Variants in PLXNA2 observed in about 807,000 individuals in gnomAD.
PLXNA2 encodes plexin A2.
A neutral mutation model predicts 193.5 loss-of-function variants in PLXNA2; 91 were observed. The ratio of observed to expected loss-of-function variants is 0.47; its 90% confidence interval spans 0.40 to 0.56. PLXNA2 has a LOEUF of 0.56. Among genes scored for constraint, PLXNA2 ranks in the 20% least tolerant of loss-of-function variants. The probability of loss-of-function intolerance (pLI) is 0.00; values close to 1 mark genes in which losing one functional copy is unlikely to be tolerated. For synonymous variants in PLXNA2, 997 were observed against 1,027.3 expected (o/e 0.97, Z 0.56); for missense variants, 1,995 against 2,503.2 (o/e 0.80, Z 4.33).
At chr1:208,036,685 C>G (rs1664679593) in intron 26 of PLXNA2, among the ~76,000 whole-genome samples, 1 of 152,244 alleles carries the variant, frequency 6.6e-6, no homozygotes, top group Admixed American at 6.5e-5. Flanking sequence ...TGTCCCCTGT[C>G]ACTCAGGGCT....
At chr1:208,214,937 G>C (rs1051902475) in intron 2 of PLXNA2, among the ~76,000 whole-genome samples, 4 of 151,948 alleles carry the variant, frequency 2.6e-5, no homozygotes, top group East Asian at 1.9e-4. Flanking sequence ...GTTGCCAGCT[G>C]TCTCTAGCTC....
chr1:208,037,021 C>T (rs983003568), intron 26 of PLXNA2, among the ~76,000 whole-genome samples: 7 of 152,032 alleles, frequency 4.6e-5, no homozygotes, highest in Non-Finnish European at 8.8e-5. Context: ...CATTAAGCAC[C>T]ATATGAAATG....
In PLXNA2 at chr1:208,210,273, C is replaced by T; in HGVS notation, c.1371+7G>A. ...GCATTGGAGCATCTGAACTCATAGACTCTTACCTTTTTCAGCTTGCCACTC... is the reference window on the plus strand; with the variant it reads ...GCATTGGAGCATCTGAACTCATAGATTCTTACCTTTTTCAGCTTGCCACTC... On this transcript the variant is annotated splice_region_variant and intron_variant, in intron 3 of 31. Coordinates refer to ENST00000367033, the MANE Select transcript of PLXNA2 (RefSeq NM_025179.4). 1 of 1,613,752 alleles carries T rather than the reference C, an allele frequency of 6.2e-7. No homozygotes were observed.
chr1:208,167,762 A>G (rs985963956), intron 3 of PLXNA2, among the ~76,000 whole-genome samples: 2 of 152,196 alleles, frequency 1.3e-5, no homozygotes, highest in Non-Finnish European at 2.9e-5. Flanking sequence ...TCTGCTTAAT[A>G]CAAATTGTGG....
At chr1:208,110,879 T>C (rs1375673222) in intron 4 of PLXNA2, among the ~76,000 whole-genome samples, 1 of 152,206 alleles carries the variant, frequency 6.6e-6, no homozygotes, top group African/African-American at 2.4e-5. Context: ...CTAGTCAAGC[T>C]GCTGGACACT....
intron 14 of PLXNA2, among the ~76,000 whole-genome samples, chr1:208,053,094 T>C (rs1665316950): frequency 6.6e-6 from 1 of 152,218 alleles, no homozygotes; most frequent in Admixed American, 6.5e-5. Flanking sequence ...AAAGAATTGC[T>C]TAACCTAAAA....
At chr1:208,073,635 T>C (rs1666041986) in intron 12 of PLXNA2, among the ~76,000 whole-genome samples, 1 of 152,206 alleles carries the variant, frequency 6.6e-6, no homozygotes, top group South Asian at 2.1e-4. Context: ...CTCCTCAAAA[T>C]TCATATGGTG....
intron 4 of PLXNA2, among the ~76,000 whole-genome samples, chr1:208,116,295 C>A (rs1667638301): frequency 6.6e-6 from 1 of 152,226 alleles, no homozygotes; most frequent in Non-Finnish European, 1.5e-5. Context: ...AGGTAGGTAA[C>A]TTTTTAGATT....
rs190779817 is a variant in PLXNA2 at position 208,028,776 on chromosome 1, C to T, written c.5438+54G>A. ...TCCTTAGTCAGTGATGACTATAGAG[C>T]GGGGAATGGGCAGGGAGACAAGGGC... On this transcript the variant is annotated intron_variant, in intron 30 of 31. Transcript: ENST00000367033. The surrounding 1 kb of genome is among the most constrained non-coding windows in gnomAD (Gnocchi z 4.2). 102 of 1,509,050 alleles carry T rather than the reference C, an allele frequency of 6.8e-5. No individual in the cohort carries two copies. Among genetic ancestry groups the T allele is most frequent in the South Asian group, 1.3e-4 (11 of 85,588 alleles). The allele number at this position is 1,509,050 out of a possible 1,614,324, so 93.5% of individuals were successfully genotyped here. A position where few individuals can be genotyped will look rare whatever the true frequency, so the allele number is the denominator to read the frequency against.
chr1:208,242,931 A>G (rs1287209170), intron 1 of PLXNA2, among the ~76,000 whole-genome samples: 1 of 152,154 alleles, frequency 6.6e-6, no homozygotes, highest in Admixed American at 6.5e-5. Flanking sequence ...AATGGTTCAT[A>G]AGGAGCCTCT....
chr1:208,102,710 G>T (rs868299206), intron 5 of PLXNA2, among the ~76,000 whole-genome samples: 1 of 152,152 alleles, frequency 6.6e-6, no homozygotes, highest in Non-Finnish European at 1.5e-5. Context: ...AGTTGTCAGG[G>T]GACCCATCCA....
At chr1:208,241,636 CA>C (rs1054861519) in intron 1 of PLXNA2, among the ~76,000 whole-genome samples, 2 of 152,218 alleles carry the variant, frequency 1.3e-5, no homozygotes, top group African/African-American at 4.8e-5. Context: ...CACATCGCTC[CA>C]AATGTCATTT....
chr1:208,085,593 G>A (rs945868250), intron 9 of PLXNA2, among the ~76,000 whole-genome samples: 1 of 152,192 alleles, frequency 6.6e-6, no homozygotes, highest in African/African-American at 2.4e-5. Flanking sequence ...CCTCCTAATG[G>A]CAAATGCAAT....
chr1:208,088,112 G>A (rs1183168855), intron 9 of PLXNA2, among the ~76,000 whole-genome samples: 2 of 152,106 alleles, frequency 1.3e-5, no homozygotes, highest in African/African-American at 2.4e-5. Context: ...CTGTCTCTAG[G>A]CCAACTGGAG....
Position 208,132,722 on chromosome 1 carries a change from T to A in PLXNA2, c.1506+9607A>T, listed in dbSNP as rs56043863. On this transcript the variant is annotated intron_variant, in intron 4 of 31. Transcript: ENST00000367033. ...CCTGCAGGGCTTGGCCTGATGATGATGTATGGGGGCACAACTGTAAAAATA... is the reference window on the plus strand; with the variant it reads ...CCTGCAGGGCTTGGCCTGATGATGAAGTATGGGGGCACAACTGTAAAAATA... Among the ~76,000 whole-genome samples the A allele has an allele frequency of 7.5e-3, 1,141 of 152,236 alleles. 14 individuals are homozygous for A. Among genetic ancestry groups the A allele is most frequent in the Non-Finnish European group, 0.011 (724 of 68,014 alleles).
At chr1:208,196,426 C>T (rs1670362842) in intron 3 of PLXNA2, among the ~76,000 whole-genome samples, 1 of 152,228 alleles carries the variant, frequency 6.6e-6, no homozygotes, top group Non-Finnish European at 1.5e-5. Flanking sequence ...TTTAAGCATG[C>T]ACTTACACAG....
intron 3 of PLXNA2, among the ~76,000 whole-genome samples, chr1:208,156,233 T>G (rs1414242855): frequency 6.6e-6 from 1 of 152,164 alleles, no homozygotes. Context: ...TCCTGACTAT[T>G]AGGAAGCGAA....
chr1:208,063,805 G>A (rs1291232170), intron 12 of PLXNA2, among the ~76,000 whole-genome samples: 1 of 152,160 alleles, frequency 6.6e-6, no homozygotes, highest in East Asian at 1.9e-4. Context: ...AAACATAGAT[G>A]AAGTGGTGAT....
At chr1:208,197,917 C>T (rs561221433) in intron 3 of PLXNA2, among the ~76,000 whole-genome samples, 1 of 152,144 alleles carries the variant, frequency 6.6e-6, no homozygotes, top group African/African-American at 2.4e-5. Flanking sequence ...CAGTAAAAGG[C>T]CCAATACAAA....
Sources: gnomAD v4.1 joint callset for allele counts (sites outside exome capture counted in the v4.1 genomes callset) on GRCh38, gnomAD v4.1.1 for gene constraint, Gnocchi (gnomAD v3.1) non-coding constraint, MANE v1.5 for transcripts, NCBI Gene and HGNC (gene_info 2026-07-23, HGNC 2026-07-21) for gene names.